ITGA2: variants seen among roughly 807,000 people sequenced by gnomAD.
The protein encoded by ITGA2 is integrin alpha-2.
A neutral mutation model predicts 146.3 loss-of-function variants in ITGA2; 101 were observed. That is an observed-to-expected ratio of 0.69 (90% CI 0.59 to 0.81). The LOEUF is 0.81. Ranked by LOEUF, ITGA2 falls within the 40% of genes least tolerant of loss-of-function variation. The probability of loss-of-function intolerance (pLI) is 0.00; values close to 1 mark genes in which losing one functional copy is unlikely to be tolerated. For missense variants in ITGA2, 1,281 were observed against 1,402.7 expected, an observed-to-expected ratio of 0.91 and a Z score of 1.39; for synonymous variants, 477 against 487.1, an observed-to-expected ratio of 0.98 and a Z score of 0.27.
At chr5:53,070,052 G>A in intron 16 of ITGA2, 57 bp from the exon 17 acceptor site, 1 of 1,415,910 alleles carries the variant, frequency 7.1e-7, no homozygotes, top group South Asian at 1.2e-5. Context: ...AAGCAAAGAT[G>A]CTTTTTCCTA....
chr5:53,020,703 G>A (rs967811854), intron 1 of ITGA2, among the ~76,000 whole-genome samples: 2 of 150,166 alleles, frequency 1.3e-5, no homozygotes, highest in Non-Finnish European at 3.0e-5. Context: ...TTTTGGTGAG[G>A]TGGAGTTTCA....
chr5:53,054,985 G>C (rs181169094), intron 7 of ITGA2, among the ~76,000 whole-genome samples: 25 of 151,994 alleles, frequency 1.6e-4, no homozygotes, highest in Admixed American at 1.6e-3. Context: ...AGTTTAAGGG[G>C]TAGACTATGC....
chr5:53,027,509 A>C (rs1456495475), intron 2 of ITGA2, among the ~76,000 whole-genome samples: 1 of 152,228 alleles, frequency 6.6e-6, no homozygotes. Flanking sequence ...CAACCACCTC[A>C]ATGGAGATGG....
intron 1 of ITGA2, among the ~76,000 whole-genome samples, chr5:52,994,547 T>C (rs1579768629): frequency 6.6e-6 from 1 of 152,244 alleles, no homozygotes; most frequent in East Asian, 1.9e-4. Context: ...GAAAATATTG[T>C]CAAGTTTATA....
intron 21 of ITGA2, among the ~76,000 whole-genome samples, chr5:53,074,830 G>T (rs561078384): frequency 5.9e-5 from 9 of 151,936 alleles, no homozygotes; most frequent in African/African-American, 2.2e-4. Context: ...AGGTATATAC[G>T]CCTGGATAAC....
chr5:53,011,736 T>TGG (rs148743279), intron 1 of ITGA2, among the ~76,000 whole-genome samples: 2 of 150,212 alleles, frequency 1.3e-5, no homozygotes, highest in Non-Finnish European at 3.0e-5. Flanking sequence ...AATATGTGAG[T>TGG]GGGGGGGAGT....
At chr5:53,073,349 C>A (rs1161349240) in intron 20 of ITGA2, 90 bp downstream of exon 20, 2 of 1,356,544 alleles carry the variant, frequency 1.5e-6, no homozygotes, top group Admixed American at 1.7e-5. Flanking sequence ...TTTAAAGAAG[C>A]ACCTTAACCC....
At chr5:53,000,203 T>C (rs1370580001) in intron 1 of ITGA2, among the ~76,000 whole-genome samples, 2 of 152,332 alleles carry the variant, frequency 1.3e-5, no homozygotes, top group South Asian at 2.1e-4. Context: ...GTAAATAGTA[T>C]AGTATTTTTA....
intron 5 of ITGA2, 68 bp downstream of exon 5, chr5:53,048,545 A>G: frequency 6.2e-7 from 1 of 1,606,928 alleles, no homozygotes; most frequent in Non-Finnish European, 8.5e-7. Flanking sequence ...AAGGTTATCA[A>G]CTAGTGGCAC....
rs1740390057 is a variant in ITGA2, at chr5:53,090,974, C to G, written c.*375C>G. ...TCAGATTTTAAGGGGGAAAACTGTTCTCTTTAAAATATTTGTCTTTAAACA... is the reference window on the plus strand; with the variant it reads ...TCAGATTTTAAGGGGGAAAACTGTTGTCTTTAAAATATTTGTCTTTAAACA... On this transcript the variant is annotated 3_prime_UTR_variant, in exon 30 of 30. Coordinates refer to ENST00000296585, the MANE Select transcript of ITGA2 (RefSeq NM_002203.4). The G allele has an allele frequency of 2.0e-6, 1 of 494,636 alleles. No individual in the cohort carries two copies. Among genetic ancestry groups the G allele is most frequent in the Non-Finnish European group, 3.6e-6 (1 of 281,238 alleles). The allele number at this position is 494,636 out of a possible 1,614,324, so 30.6% of individuals were successfully genotyped here.
At chr5:53,087,534 A>G (rs1242473278) in intron 28 of ITGA2, among the ~76,000 whole-genome samples, 1 of 152,080 alleles carries the variant, frequency 6.6e-6, no homozygotes, top group Non-Finnish European at 1.5e-5. Context: ...GTTTTAAAAA[A>G]TAGTTCTCCT....
chr5:53,049,005 G>A lies in ITGA2; in HGVS notation c.630+235G>A, dbSNP rs3212488. Reference sequence around the variant, plus strand: ...TCTGACACAAGCATTAAAGGTATGGGACATAACTTTTTTTTTTTTTTTTAA... The same window carrying A: ...TCTGACACAAGCATTAAAGGTATGGAACATAACTTTTTTTTTTTTTTTTAA... On this transcript the variant is annotated intron_variant, in intron 6 of 29. Transcript: ENST00000296585. Among the ~76,000 whole-genome samples, 1,449 of 149,392 alleles carry A rather than the reference G, an allele frequency of 9.7e-3. 31 individuals are homozygous for A. The highest frequency in any genetic ancestry group is 0.041 in the Admixed American group (617 of 15,032).
chr5:53,080,826 G>A (rs1745885346), intron 25 of ITGA2, among the ~76,000 whole-genome samples: 2 of 152,146 alleles, frequency 1.3e-5, no homozygotes, highest in African/African-American at 4.8e-5. Context: ...GGAATTGCAG[G>A]TGGCAGAAAT....
intron 1 of ITGA2, among the ~76,000 whole-genome samples, chr5:53,000,814 G>GA (rs1284527940): frequency 1.3e-5 from 2 of 149,334 alleles, no homozygotes; most frequent in African/African-American, 4.9e-5. Context: ...CGTTATATTA[G>GA]AAAAAATTAT....
At chr5:53,031,228 A>G (rs948601316) in intron 2 of ITGA2, among the ~76,000 whole-genome samples, 5 of 152,262 alleles carry the variant, frequency 3.3e-5, no homozygotes, top group Non-Finnish European at 7.3e-5. Context: ...TTTTGGACAC[A>G]GAAATTGGTA....
chr5:53,044,920 G>T, intron 3 of ITGA2, 81 bp from the exon 4 acceptor site: 1 of 932,872 alleles, frequency 1.1e-6, no homozygotes, highest in South Asian at 1.4e-5. Flanking sequence ...ATGCAAACAT[G>T]GGTGTGCCTG....
chr5:52,989,583 TC>T, intron 1 of ITGA2, 51 bp downstream of exon 1: 1 of 1,597,856 alleles, frequency 6.3e-7, no homozygotes, highest in East Asian at 2.2e-5. Context: ...CCGCGCGGCT[TC>T]CTGGGGCTCG....
chr5:53,024,585 T>A (rs926371955), intron 1 of ITGA2, among the ~76,000 whole-genome samples: 11 of 152,290 alleles, frequency 7.2e-5, no homozygotes, highest in African/African-American at 2.4e-4. Context: ...ATTGCTCTAG[T>A]AGTGATACAG....
intron 16 of ITGA2, among the ~76,000 whole-genome samples, chr5:53,068,874 A>G (rs966768612): frequency 1.3e-5 from 2 of 151,808 alleles, no homozygotes; most frequent in African/African-American, 4.8e-5. Flanking sequence ...GCTGCTTGAA[A>G]AAAAAAGGAA....
Sources: gnomAD v4.1 joint callset for allele counts (sites outside exome capture counted in the v4.1 genomes callset) on GRCh38, gnomAD v4.1.1 for gene constraint, MANE v1.5 for transcripts, NCBI Gene and HGNC (gene_info 2026-07-23, HGNC 2026-07-21) for gene names.